ANO2: variants seen among roughly 807,000 people sequenced by gnomAD.
The protein encoded by ANO2 is anoctamin 2.
In ANO2, 101 loss-of-function variants were observed where a neutral mutation model predicts 124.2. The ratio of observed to expected loss-of-function variants is 0.81; its 90% CI spans 0.69 to 0.96. ANO2 has a LOEUF of 0.96. Ranked by LOEUF, ANO2 falls within the 40% of genes least tolerant of loss-of-function variation. ANO2 has a pLI of 0.00. For synonymous variants in ANO2, 486 were observed against 482.5 expected (o/e 1.01, Z -0.09); for missense variants, 1,293 against 1,274.5 (o/e 1.01, Z -0.22).
chr12:5,812,820 A>G (rs1019191704), intron 7 of ANO2, among the ~76,000 whole-genome samples: 3 of 144,496 alleles, frequency 2.1e-5, no homozygotes, highest in African/African-American at 8.0e-5. Context: ...GGAAGGAAGG[A>G]AGGGAGGAAG....
Position 5,594,238 on chromosome 12 carries a change from C to A in ANO2, c.2233+5246G>T, listed in dbSNP as rs1447530661. On this transcript the variant is annotated intron_variant, in intron 20 of 24. Transcript: ENST00000682330. ...CAACCTGAATTGCTCAAGAGACTGTCCTGGTCTCCAGACTTGCTCCTCCCT... is the reference window on the plus strand; with the variant it reads ...CAACCTGAATTGCTCAAGAGACTGTACTGGTCTCCAGACTTGCTCCTCCCT... Among the ~76,000 whole-genome samples the A allele has an allele frequency of 3.3e-5, 5 of 152,180 alleles. No individual in the cohort carries two copies. In the East Asian group the frequency reaches 9.6e-4, roughly 29 times the overall value.
intron 14 of ANO2, among the ~76,000 whole-genome samples, chr12:5,668,682 T>A (rs1368657059): frequency 2.0e-5 from 3 of 152,230 alleles, no homozygotes; most frequent in Non-Finnish European, 4.4e-5. Flanking sequence ...GTTTTGGGTT[T>A]TACATTTAAC....
At chr12:5,840,162 C>A (rs1375077839) in intron 4 of ANO2, among the ~76,000 whole-genome samples, 22 of 152,142 alleles carry the variant, frequency 1.4e-4, no homozygotes, top group Admixed American at 1.4e-3. Context: ...GCCAGCTGTT[C>A]CCCATTATGC....
chr12:5,599,156 C>G (rs2136881595), intron 20 of ANO2, among the ~76,000 whole-genome samples: 1 of 152,194 alleles, frequency 6.6e-6, no homozygotes, highest in African/African-American at 2.4e-5. Flanking sequence ...TCAGCTTTAT[C>G]AATAATAGAA....
intron 23 of ANO2, 145 bp from the exon 24 acceptor site, chr12:5,565,808 A>G (rs1941716570): frequency 3.1e-6 from 2 of 643,258 alleles, no homozygotes; most frequent in Non-Finnish European, 2.7e-6. Context: ...AAGTGGGGGG[A>G]ATCTATGGCC....
intron 4 of ANO2, among the ~76,000 whole-genome samples, chr12:5,834,653 C>T (rs371341544): frequency 2.6e-5 from 4 of 152,208 alleles, no homozygotes; most frequent in East Asian, 3.8e-4. Flanking sequence ...TTTAGTTCTT[C>T]TAAACCTTTT....
intron 3 of ANO2, among the ~76,000 whole-genome samples, chr12:5,878,817 C>T (rs1170592483): frequency 4.6e-5 from 7 of 152,228 alleles, no homozygotes; most frequent in African/African-American, 1.7e-4. Context: ...AGATGTGAGA[C>T]TCCCTGAAGA....
chr12:5,747,466 A>T (rs1324544354), intron 11 of ANO2, among the ~76,000 whole-genome samples: 2 of 152,226 alleles, frequency 1.3e-5, no homozygotes, highest in African/African-American at 4.8e-5. Context: ...TTTAAAAAAC[A>T]GTTCCTCTGT....
intron 15 of ANO2, among the ~76,000 whole-genome samples, chr12:5,637,540 C>T (rs969123461): frequency 1.2e-5 from 1 of 80,738 alleles, no homozygotes; most frequent in Non-Finnish European, 2.9e-5. Flanking sequence ...ACACTCTTTG[C>T]TACTCAAAAA....
rs188661352 is a variant in ANO2, at chr12:5,828,692, T to A, written c.841-872A>T. 7.2e-5 allele frequency among the ~76,000 whole-genome samples: 11 copies of A among 152,270 alleles called. No homozygotes were observed. In the East Asian group the frequency reaches 2.1e-3, roughly 29 times the overall value. On this transcript the variant is annotated intron_variant, in intron 6 of 24. Transcript: ENST00000682330. Reference sequence around the variant, plus strand: ...CCTATGGGGCCTGCAGGGGACTGTGTTTCTTACATGGGAGGAAAGGGGTGC... The same window carrying A: ...CCTATGGGGCCTGCAGGGGACTGTGATTCTTACATGGGAGGAAAGGGGTGC...
intron 20 of ANO2, among the ~76,000 whole-genome samples, chr12:5,589,212 G>A (rs56017041): frequency 1.8e-4 from 28 of 152,000 alleles, no homozygotes; most frequent in Admixed American, 1.3e-4. Flanking sequence ...GAGCTGCTGC[G>A]ATCTTTGAAC....
At chr12:5,633,584 A>G (rs1257286653) in intron 16 of ANO2, among the ~76,000 whole-genome samples, 1 of 136,624 alleles carries the variant, frequency 7.3e-6, no homozygotes, top group Non-Finnish European at 1.7e-5. Context: ...AAAGCAAAAC[A>G]AAACAAAAAA....
chr12:5,933,064 C>T (rs952690582), intron 1 of ANO2, among the ~76,000 whole-genome samples: 28 of 152,286 alleles, frequency 1.8e-4, no homozygotes, highest in Non-Finnish European at 3.7e-4. Context: ...TTTCTGCCTG[C>T]GGAGTCCCCA....
At chr12:5,689,614 TC>T (rs1458366127) in intron 14 of ANO2, among the ~76,000 whole-genome samples, 2 of 152,102 alleles carry the variant, frequency 1.3e-5, no homozygotes, top group African/African-American at 4.8e-5. Context: ...TATCTTTCCT[TC>T]CAAACTCACC....
At chr12:5,767,858 C>T (rs1411472605) in intron 10 of ANO2, among the ~76,000 whole-genome samples, 2 of 152,090 alleles carry the variant, frequency 1.3e-5, no homozygotes, top group African/African-American at 4.8e-5. Flanking sequence ...TTGTCTAGAC[C>T]CTGGAGGCTA....
chr12:5,577,884 C>A, intron 22 of ANO2, 71 bp downstream of exon 22: 1 of 1,500,602 alleles, frequency 6.7e-7, no homozygotes, highest in Non-Finnish European at 9.1e-7. Flanking sequence ...GCTGGCTTCC[C>A]ACTTTGAAGA....
intron 11 of ANO2, among the ~76,000 whole-genome samples, chr12:5,746,808 T>A (rs921642974): frequency 2.0e-5 from 3 of 152,160 alleles, no homozygotes; most frequent in African/African-American, 7.2e-5. Flanking sequence ...GCTATTAAGG[T>A]CTCAGACCTA....
intron 3 of ANO2, among the ~76,000 whole-genome samples, chr12:5,875,621 T>C (rs898544461): frequency 2.0e-5 from 3 of 152,182 alleles, no homozygotes; most frequent in Non-Finnish European, 2.9e-5. Context: ...ACTAACGCAT[T>C]CATCATGCTG....
chr12:5,903,198 T>A (rs947815113), intron 3 of ANO2, among the ~76,000 whole-genome samples: 14 of 151,908 alleles, frequency 9.2e-5, no homozygotes, highest in African/African-American at 3.4e-4. Flanking sequence ...ATAATTAGGA[T>A]GGGAGATTAC....
Sources: gnomAD v4.1 joint callset for allele counts (sites outside exome capture counted in the v4.1 genomes callset) on GRCh38, gnomAD v4.1.1 for gene constraint, MANE v1.5 for transcripts, NCBI Gene and HGNC (gene_info 2026-07-23, HGNC 2026-07-21) for gene names.